HAAO: variants seen among roughly 807,000 people sequenced by gnomAD.
The protein encoded by HAAO is 3-hydroxyanthranilate 3,4-dioxygenase.
HAAO carries 49 observed loss-of-function variants against 46.2 expected under a neutral mutation model. The ratio of observed to expected loss-of-function variants is 1.06; its 90% CI spans 0.84 to 1.34. HAAO has a LOEUF of 1.34. Among genes scored for constraint, HAAO ranks in the 40% most tolerant of loss-of-function variants. HAAO has a pLI of 0.00. For missense variants in HAAO, 408 were observed against 364.5 expected, an observed-to-expected ratio of 1.12 and a Z score of -0.97; for synonymous variants, 157 against 145.2, an observed-to-expected ratio of 1.08 and a Z score of -0.58.
chr2:42,770,122 G>C, intron 6 of HAAO, 21 bp downstream of exon 6: 1 of 1,600,416 alleles, frequency 6.2e-7, no homozygotes, highest in Non-Finnish European at 8.5e-7. Flanking sequence ...GAAGGAGAAG[G>C]GCAGTTCCCA....
At chr2:42,769,553 G>A (rs1237680010) in intron 7 of HAAO, among the ~76,000 whole-genome samples, 160 bp downstream of exon 7, 1 of 151,846 alleles carries the variant, frequency 6.6e-6, no homozygotes, top group Non-Finnish European at 1.5e-5. Flanking sequence ...CTATGCTCAT[G>A]TCTACAACCT....
At chr2:42,777,378 G>A (rs1168374365) in intron 4 of HAAO, among the ~76,000 whole-genome samples, 1 of 150,704 alleles carries the variant, frequency 6.6e-6, no homozygotes, top group Non-Finnish European at 1.5e-5. Context: ...AAAAAAAGTT[G>A]CTATGAATCT....
chr2:42,774,751 A>G (rs1245794768), intron 4 of HAAO, among the ~76,000 whole-genome samples: 1 of 152,002 alleles, frequency 6.6e-6, no homozygotes, highest in African/African-American at 2.4e-5. Context: ...CTCAGTGATC[A>G]TAGAAGCTGC....
intron 2 of HAAO, among the ~76,000 whole-genome samples, chr2:42,786,441 C>T (rs1463094639): frequency 6.6e-6 from 1 of 152,170 alleles, no homozygotes; most frequent in East Asian, 1.9e-4. Flanking sequence ...CCTGGAAAGG[C>T]CTTTCAGGCA....
intron 1 of HAAO, among the ~76,000 whole-genome samples, chr2:42,791,057 A>G (rs1338842338): frequency 1.3e-5 from 2 of 152,096 alleles, no homozygotes; most frequent in Admixed American, 6.5e-5. Context: ...TATATGTTGA[A>G]GTCCTAACGC....
chr2:42,790,105 G>A (rs1391701448), intron 1 of HAAO, among the ~76,000 whole-genome samples: 1 of 152,280 alleles, frequency 6.6e-6, no homozygotes, highest in East Asian at 1.9e-4. Flanking sequence ...AACTAGACTG[G>A]CAGGTCCTTT....
intron 1 of HAAO, among the ~76,000 whole-genome samples, chr2:42,789,396 C>G (rs1004375358): frequency 6.6e-6 from 1 of 152,092 alleles, no homozygotes; most frequent in African/African-American, 2.4e-5. Context: ...ATGGTGAAAC[C>G]CTGTCTCTAC....
chr2:42,787,183 CA>C (rs1178007091), intron 2 of HAAO, among the ~76,000 whole-genome samples: 5 of 152,310 alleles, frequency 3.3e-5, no homozygotes, highest in Non-Finnish European at 1.5e-5. Flanking sequence ...CCATCTGAGT[CA>C]GGACGTGAGC....
chr2:42,790,194 C>T (rs1672683605), intron 1 of HAAO, among the ~76,000 whole-genome samples: 1 of 152,310 alleles, frequency 6.6e-6, no homozygotes, highest in Non-Finnish European at 1.5e-5. Context: ...AGTCTCTTTC[C>T]TTTTCCTTCC....
At chr2:42,771,758 CCCAGCTCCTGGGCCCAGG>C (rs1397753454) in intron 4 of HAAO, among the ~76,000 whole-genome samples, 1 of 152,244 alleles carries the variant, frequency 6.6e-6, no homozygotes, top group Non-Finnish European at 1.5e-5. Context: ...AATGCCCAAG[CCCAGCTCCTGGGCCCAGG>C]CCAGCTCTGT....
In HAAO at chr2:42,792,472, A is replaced by G. The variant is rs1672877288; in HGVS notation, c.65T>C (p.Val22Ala). ...KENRGSFQPP[V>A]CNKLMHQEQL... Reference sequence around the variant, plus strand: ...CTGGACTCACATGAGCTTGTTGCAGACCGGGGGCTGGAAGGAGCCCCGGTT... The same window carrying G: ...CTGGACTCACATGAGCTTGTTGCAGGCCGGGGGCTGGAAGGAGCCCCGGTT... Residue 22 changes from valine to alanine, a missense_variant, in exon 1 of 10, where the codon GTC becomes GCC. By Grantham distance (64) the Val-to-Ala change is moderately conservative. Coordinates refer to ENST00000294973, the MANE Select transcript of HAAO (RefSeq NM_012205.3). The G allele has an allele frequency of 1.3e-6, 2 of 1,586,050 alleles. No homozygotes were observed.
chr2:42,770,244 C>A, intron 5 of HAAO, 58 bp from the exon 6 acceptor site: 3 of 1,423,928 alleles, frequency 2.1e-6, no homozygotes, highest in Middle Eastern at 1.7e-4. Context: ...GAGTGGCCAG[C>A]GACACACACA....
At chr2:42,780,911 C>CAAAAAAA (rs35424652) in intron 4 of HAAO, among the ~76,000 whole-genome samples, 5 of 130,328 alleles carry the variant, frequency 3.8e-5, no homozygotes, top group Admixed American at 8.0e-5. Flanking sequence ...ACTAAAAATA[C>CAAAAAAA]AAAAAAAAAA....
rs561603975 is a variant in HAAO at position 42,783,091 on chromosome 2, G to A, written c.350+223C>T. On this transcript the variant is annotated intron_variant, in intron 4 of 9. Coordinates refer to ENST00000294973, the MANE Select transcript of HAAO (RefSeq NM_012205.3). ...AGCCAAAGTTCATCAGGCTGAGTGA[G>A]CTTCCAGGGGGTCACAGAGAACAGA... 1.6e-5 allele frequency: 9 copies of A among 574,322 alleles called. 1 individual carries two copies. The highest frequency in any genetic ancestry group is 7.5e-5 in the African/African-American group (4 of 53,458). 35.6% of individuals were successfully genotyped at this position (574,322 alleles called of 1,614,324 possible).
chr2:42,791,725 G>A (rs532163623), intron 1 of HAAO, among the ~76,000 whole-genome samples: 1 of 152,152 alleles, frequency 6.6e-6, no homozygotes, highest in Non-Finnish European at 1.5e-5. Context: ...TGTGGACACA[G>A]CAAAAATGGG....
At chr2:42,770,219 C>T (rs770973219) in intron 5 of HAAO, 33 bp from the exon 6 acceptor site, 15 of 1,573,218 alleles carry the variant, frequency 9.5e-6, no homozygotes, top group East Asian at 2.3e-5. Flanking sequence ...GCAGGAGTGG[C>T]GAGCACTCCC....
At position 42,769,702 on chromosome 2, in the gene HAAO, G is replaced by C. The variant is rs1186887824; in HGVS notation, c.630+11C>G. On this transcript the variant is annotated intron_variant, in intron 7 of 9. Transcript: ENST00000294973. ...TGGGAGGATGCCCCGGATGCCCCAGGACTACATTACCTGGGTCTCATAGGT... is the reference window on the plus strand; with the variant it reads ...TGGGAGGATGCCCCGGATGCCCCAGCACTACATTACCTGGGTCTCATAGGT... 3 of 1,600,344 alleles carry C rather than the reference G, an allele frequency of 1.9e-6. No homozygotes were observed. The highest frequency in any genetic ancestry group is 1.7e-5 in the Admixed American group (1 of 58,144).
chr2:42,789,552 G>C lies in HAAO; in HGVS notation c.81-945C>G, dbSNP rs551170076. 2.1e-5 allele frequency among the ~76,000 whole-genome samples: 3 copies of C among 141,434 alleles called. No individual in the cohort carries two copies. In the Admixed American group the frequency reaches 2.2e-4, roughly 10 times the overall value. The allele number at this position is 141,434 out of a possible 152,430, so 92.8% of individuals were successfully genotyped here. ...CTACTGCACTCCAGCCTGGGTAACAGGGGGAGACTCTGTCTTAAATAAATA... is the reference window on the plus strand; with the variant it reads ...CTACTGCACTCCAGCCTGGGTAACACGGGGAGACTCTGTCTTAAATAAATA... On this transcript the variant is annotated intron_variant, in intron 1 of 9. Coordinates refer to ENST00000294973, the MANE Select transcript of HAAO (RefSeq NM_012205.3).
chr2:42,791,090 T>C (rs1207871530), intron 1 of HAAO, among the ~76,000 whole-genome samples: 1 of 152,158 alleles, frequency 6.6e-6, no homozygotes, highest in Non-Finnish European at 1.5e-5. Flanking sequence ...AATGTGACCT[T>C]ATTTGGAATA....
Sources: allele counts gnomAD v4.1 joint callset (sites outside exome capture counted in the v4.1 genomes callset), GRCh38; gene constraint gnomAD v4.1.1; transcripts MANE v1.5; gene names NCBI Gene and HGNC (gene_info 2026-07-23, HGNC 2026-07-21).